Variants in PDE3A observed in about 807,000 individuals in gnomAD.
PDE3A encodes the protein cGMP-inhibited 3',5'-cyclic phosphodiesterase 3A.
Under a neutral mutation model 98.3 loss-of-function variants are expected in PDE3A, and 43 were observed. That is an observed-to-expected ratio of 0.44 (90% CI 0.34 to 0.56). The LOEUF is 0.56. Among genes scored for constraint, PDE3A ranks in the 20% least tolerant of loss-of-function variants. PDE3A has a pLI of 0.01. For missense variants in PDE3A, 1,427 were observed against 1,440.7 expected (o/e 0.99, Z 0.15); for synonymous variants, 663 against 567.9 (o/e 1.17, Z -2.38).
chr12:20,687,910 A>AAC lies in PDE3A; in HGVS notation c.*7641_*7642dup, dbSNP rs1946014951. Among the ~76,000 whole-genome samples, 1 of 84,548 alleles carries AAC rather than the reference A, an allele frequency of 1.2e-5. No homozygotes were observed. The highest frequency in any genetic ancestry group is 2.4e-5 in the Non-Finnish European group (1 of 41,628). 55.5% of individuals were successfully genotyped at this position (84,548 alleles called of 152,430 possible). ...TTCTGACCAGTCATTACCTCTTCCC[A>AAC]ACAGAAAAAAAAAAAAAAAAAAAAA... On this transcript the variant is annotated 3_prime_UTR_variant, in exon 16 of 16. Coordinates refer to ENST00000359062, the MANE Select transcript of PDE3A (RefSeq NM_000921.5).
intron 2 of PDE3A, among the ~76,000 whole-genome samples, chr12:20,599,642 C>T (rs1943542303): frequency 6.6e-6 from 1 of 152,096 alleles, no homozygotes; most frequent in Admixed American, 6.5e-5. Context: ...TACTCCTGTA[C>T]CCCTTACTTC....
rs1205610498 is a variant in PDE3A at position 20,687,133 on chromosome 12, T to A, written c.*6862T>A. On this transcript the variant is annotated 3_prime_UTR_variant, in exon 16 of 16. Coordinates refer to ENST00000359062, the MANE Select transcript of PDE3A (RefSeq NM_000921.5). ...CCCTAAAAAAGGCAAAATACTCAGA[T>A]GTTCAATGTGAAATTACAAATAGTT... Among the ~76,000 whole-genome samples, 1 of 152,134 alleles carries A rather than the reference T, an allele frequency of 6.6e-6. No homozygotes were observed. The highest frequency in any genetic ancestry group is 1.9e-4 in the East Asian group (1 of 5,196).
chr12:20,403,960 T>C (rs1944181317), intron 1 of PDE3A, among the ~76,000 whole-genome samples: 1 of 152,114 alleles, frequency 6.6e-6, no homozygotes, highest in Non-Finnish European at 1.5e-5. Context: ...AGTTACTCTT[T>C]AGATTTCTAC....
rs1295548680 is a variant in PDE3A at position 20,613,466 on chromosome 12, G to A, written c.1035G>A (p.Val345=). Reference sequence around the variant, plus strand: ...AGTCTTCAGGAACCAGTATTACTGTGGACATCGCCGTCATGGGCGAGGCCC... The same window carrying A: ...AGTCTTCAGGAACCAGTATTACTGTAGACATCGCCGTCATGGGCGAGGCCC... The part of the protein sequence containing the change: ...GSQSSGTSIT[V]DIAVMGEAHG... The change falls in exon 3 of 16, where the codon GTG becomes GTA. Residue 345 remains valine, a synonymous_variant. Coordinates refer to ENST00000359062, the MANE Select transcript of PDE3A (RefSeq NM_000921.5). 3 of 1,614,116 alleles carry A rather than the reference G, an allele frequency of 1.9e-6. No homozygotes were observed. In the South Asian group the frequency reaches 3.3e-5, roughly 18 times the overall value.
At chr12:20,626,501 A>G (rs952511673) in intron 5 of PDE3A, among the ~76,000 whole-genome samples, 2 of 151,572 alleles carry the variant, frequency 1.3e-5, no homozygotes, top group Admixed American at 1.3e-4. Context: ...TTATTTATTT[A>G]TGTATTTTTT....
chr12:20,464,640 A>G (rs78547542), intron 1 of PDE3A, among the ~76,000 whole-genome samples: 21,485 of 152,198 alleles, frequency 0.14, 2,384 homozygotes, highest in African/African-American at 0.31. Context: ...ATCTGGTTTC[A>G]GGTGGGTCCT....
chr12:20,392,312 C>T (rs1335183902), intron 1 of PDE3A, among the ~76,000 whole-genome samples: 1 of 151,850 alleles, frequency 6.6e-6, no homozygotes, highest in Admixed American at 6.6e-5. Context: ...GGCAAAAACA[C>T]TACATAAATA....
chr12:20,652,849 C>T (rs919265405), intron 14 of PDE3A, among the ~76,000 whole-genome samples: 3 of 152,184 alleles, frequency 2.0e-5, no homozygotes, highest in African/African-American at 7.2e-5. Context: ...AACTAAAGAG[C>T]TTCTGCACAG....
At chr12:20,491,815 C>T (rs1009452653) in intron 1 of PDE3A, among the ~76,000 whole-genome samples, 3 of 152,118 alleles carry the variant, frequency 2.0e-5, no homozygotes, top group African/African-American at 7.2e-5. Flanking sequence ...CCGGTATAAT[C>T]GAATCTCTTT....
At chr12:20,436,222 A>G (rs1944776477) in intron 1 of PDE3A, among the ~76,000 whole-genome samples, 1 of 152,088 alleles carries the variant, frequency 6.6e-6, no homozygotes, top group Non-Finnish European at 1.5e-5. Context: ...TACCCTGATC[A>G]TTCCAAAAGA....
At chr12:20,627,570 C>T (rs546062481) in intron 5 of PDE3A, among the ~76,000 whole-genome samples, 1 of 152,002 alleles carries the variant, frequency 6.6e-6, no homozygotes, top group African/African-American at 2.4e-5. Context: ...TACCCACCCC[C>T]ACCCTTTCCC....
At chr12:20,403,830 C>T (rs1230286034) in intron 1 of PDE3A, among the ~76,000 whole-genome samples, 3 of 151,886 alleles carry the variant, frequency 2.0e-5, no homozygotes, top group Non-Finnish European at 2.9e-5. Flanking sequence ...TTTTCTGGCA[C>T]AGTTAGAAAT....
intron 1 of PDE3A, among the ~76,000 whole-genome samples, chr12:20,383,779 C>A (rs1266855677): frequency 6.6e-6 from 1 of 151,932 alleles, no homozygotes; most frequent in East Asian, 1.9e-4. Context: ...GAGGGGACAG[C>A]AGATCACATA....
intron 2 of PDE3A, among the ~76,000 whole-genome samples, chr12:20,601,230 TTTTGTTTGTTTGTTTG>T (rs72133519): frequency 3.3e-5 from 5 of 151,436 alleles, no homozygotes; most frequent in East Asian, 2.0e-4. Context: ...CTCCAAGGCT[TTTTGTTTGTTTGTTTG>T]TTTGTTTGTT....
At chr12:20,561,262 A>AT (rs1455365680) in intron 2 of PDE3A, among the ~76,000 whole-genome samples, 1 of 152,194 alleles carries the variant, frequency 6.6e-6, no homozygotes, top group African/African-American at 2.4e-5. Flanking sequence ...TGCTAAAAAA[A>AT]AAAGATATTT....
intron 1 of PDE3A, among the ~76,000 whole-genome samples, chr12:20,422,732 A>T (rs1480539648): frequency 6.6e-6 from 1 of 152,220 alleles, no homozygotes; most frequent in East Asian, 1.9e-4. Flanking sequence ...AAATTTTGTT[A>T]AACAGCCCCA....
intron 15 of PDE3A, among the ~76,000 whole-genome samples, chr12:20,672,123 A>G (rs1472950552): frequency 2.7e-5 from 4 of 150,906 alleles, no homozygotes; most frequent in African/African-American, 9.7e-5. Flanking sequence ...TAAAATACCT[A>G]GGAATCCAAC....
intron 1 of PDE3A, among the ~76,000 whole-genome samples, chr12:20,555,461 C>T (rs888389783): frequency 2.0e-5 from 3 of 152,134 alleles, no homozygotes; most frequent in African/African-American, 4.8e-5. Context: ...GTGAAATCAC[C>T]GAAAATCTAC....
chr12:20,489,156 C>T (rs1442755200), intron 1 of PDE3A, among the ~76,000 whole-genome samples: 1 of 152,160 alleles, frequency 6.6e-6, no homozygotes, highest in Non-Finnish European at 1.5e-5. Flanking sequence ...TAGATTTTTA[C>T]TTGCAGTTAT....
Sources: gnomAD v4.1 joint callset for allele counts (sites outside exome capture counted in the v4.1 genomes callset) on GRCh38, gnomAD v4.1.1 for gene constraint, MANE v1.5 for transcripts, NCBI Gene and HGNC (gene_info 2026-07-23, HGNC 2026-07-21) for gene names.